Variants in SPNS3 observed in about 807,000 individuals in gnomAD.
SPNS3 encodes the protein protein spinster homolog 3.
SPNS3 carries 51 observed loss-of-function variants against 54.4 expected under a neutral mutation model. That is an observed-to-expected ratio of 0.94 (90% confidence interval 0.75 to 1.18). The LOEUF is 1.18. Ranked by LOEUF, SPNS3 falls within the 50% of genes most tolerant of loss-of-function variation. SPNS3 has a pLI of 0.00. For missense variants in SPNS3, 669 were observed against 677.4 expected, an observed-to-expected ratio of 0.99 and a Z score of 0.14; for synonymous variants, 309 against 294.7, an observed-to-expected ratio of 1.05 and a Z score of -0.50.
intron 8 of SPNS3, among the ~76,000 whole-genome samples, chr17:4,469,085 G>T (rs1290444744): frequency 2.6e-5 from 4 of 151,568 alleles, no homozygotes; most frequent in African/African-American, 9.7e-5. Flanking sequence ...ACTGCGCCCG[G>T]CCTCGGACCT....
At chr17:4,442,869 G>A (rs1970887998) in intron 2 of SPNS3, among the ~76,000 whole-genome samples, 1 of 152,026 alleles carries the variant, frequency 6.6e-6, no homozygotes, top group African/African-American at 2.4e-5. Context: ...TTTAACTCTG[G>A]GAGCATTCAT....
At chr17:4,468,423 G>A (rs1971744286) in intron 8 of SPNS3, among the ~76,000 whole-genome samples, 1 of 152,176 alleles carries the variant, frequency 6.6e-6, no homozygotes, top group Non-Finnish European at 1.5e-5. Context: ...GTGGAGAAGT[G>A]GTCAGATTCT....
In SPNS3 at chr17:4,483,607, A is replaced by G. The variant is rs1209303482; in HGVS notation, c.1180-2621A>G. 6.6e-6 allele frequency: 1 copy of G among 152,314 alleles called. No homozygotes were observed. Among genetic ancestry groups the G allele is most frequent in the Non-Finnish European group, 1.5e-5 (1 of 68,108 alleles). 9.4% of individuals were successfully genotyped at this position (152,314 alleles called of 1,614,324 possible). A position where few individuals can be genotyped will look rare whatever the true frequency, so the allele number is the denominator to read the frequency against. ...TCTGAACATTCAGGTTCCTCCCTCC[A>G]GGAAGCCTCACCTGCCTTCCCAGAG... On this transcript the variant is annotated intron_variant, in intron 9 of 11. Coordinates refer to ENST00000355530, the MANE Select transcript of SPNS3 (RefSeq NM_182538.5). This position sits in a 1 kb window ranked among gnomAD's most constrained non-coding sequence, Gnocchi z 4.2.
Position 4,448,140 on chromosome 17 carries a change from C to T in SPNS3, c.622-15C>T, listed in dbSNP as rs989500752. 5.1e-6 allele frequency: 8 copies of T among 1,566,464 alleles called. No individual in the cohort carries two copies. The highest frequency in any genetic ancestry group is 6.9e-6 in the Non-Finnish European group (8 of 1,161,494). On this transcript the variant is annotated splice_polypyrimidine_tract_variant and intron_variant, in intron 5 of 11. Transcript: ENST00000355530. Reference sequence around the variant, plus strand: ...AATATGCGGCCCTGAGCTTCCTGGGCCCTCCTGTCCCCAGGTCATGCCCTG... The same window carrying T: ...AATATGCGGCCCTGAGCTTCCTGGGTCCTCCTGTCCCCAGGTCATGCCCTG...
rs75242527 is a variant in SPNS3 at position 4,450,026 on chromosome 17, C to G, written c.923+639C>G. On this transcript the variant is annotated intron_variant, in intron 7 of 11. Transcript: ENST00000355530. ...GACATCCTTCAATCCTCCCTTCCTT[C>G]TCTCCTCCTCCTCCTGGAACCCTTC... Among the ~76,000 whole-genome samples, 777 of 151,888 alleles carry G rather than the reference C, an allele frequency of 5.1e-3. 6 individuals carry two copies. The highest frequency in any genetic ancestry group is 0.018 in the African/African-American group (731 of 41,426).
intron 8 of SPNS3, among the ~76,000 whole-genome samples, chr17:4,457,587 A>C (rs4318272): frequency 6.6e-6 from 1 of 152,192 alleles, no homozygotes; most frequent in South Asian, 2.1e-4. Flanking sequence ...GCCTGACCTC[A>C]CAGGGAGGCT....
At chr17:4,456,214 A>G (rs1971310575) in intron 8 of SPNS3, among the ~76,000 whole-genome samples, 1 of 151,912 alleles carries the variant, frequency 6.6e-6, no homozygotes. Context: ...AGCCTCCCAA[A>G]GTGCTGGGAT....
At chr17:4,450,412 C>T (rs1358630882) in intron 7 of SPNS3, among the ~76,000 whole-genome samples, 1 of 130,710 alleles carries the variant, frequency 7.7e-6, no homozygotes, top group Non-Finnish European at 1.6e-5. Context: ...TTCCTTACTT[C>T]TCTTCTTTTC....
chr17:4,446,806 T>TGG, intron 4 of SPNS3, 90 bp from the exon 5 acceptor site: 3 of 1,228,452 alleles, frequency 2.4e-6, no homozygotes, highest in Non-Finnish European at 2.4e-6. Context: ...CCCTGGGGCG[T>TGG]GGGGGGGGCA....
intron 2 of SPNS3, 77 bp from the exon 3 acceptor site, chr17:4,444,955 C>T (rs1180195009): frequency 3.3e-6 from 5 of 1,522,524 alleles, no homozygotes; most frequent in Admixed American, 4.0e-5. Context: ...AGTCAGGCTC[C>T]TTCCCTGGGC....
At chr17:4,441,981 G>GGTGTGTGTGT (rs756764670) in intron 2 of SPNS3, among the ~76,000 whole-genome samples, 1 of 89,038 alleles carries the variant, frequency 1.1e-5, no homozygotes, top group African/African-American at 4.4e-5. Context: ...CACGGAGGGA[G>GGTGTGTGTGT]AAGTGTGTGT....
At chr17:4,439,333 C>G (rs1426359802) in intron 1 of SPNS3, among the ~76,000 whole-genome samples, 1 of 152,156 alleles carries the variant, frequency 6.6e-6, no homozygotes, top group Non-Finnish European at 1.5e-5. Context: ...CCACGTTGAC[C>G]ATGGCTGGTC....
chr17:4,443,364 T>C (rs7215854), intron 2 of SPNS3, among the ~76,000 whole-genome samples: 16,193 of 152,190 alleles, frequency 0.11, 1,028 homozygotes, highest in African/African-American at 0.18. Flanking sequence ...AGCCACCGCG[T>C]CCAGCTGGGA....
chr17:4,444,555 T>G (rs1027057626), intron 2 of SPNS3, among the ~76,000 whole-genome samples: 19 of 152,114 alleles, frequency 1.2e-4, no homozygotes, highest in African/African-American at 4.3e-4. Flanking sequence ...CCTCATCTGC[T>G]GCTCAGAGTA....
chr17:4,440,611 C>G (rs1161562831), intron 2 of SPNS3, among the ~76,000 whole-genome samples: 1 of 152,106 alleles, frequency 6.6e-6, no homozygotes, highest in Admixed American at 6.6e-5. Context: ...GGTTCTCCTT[C>G]CTCTCCTTCC....
intron 8 of SPNS3, among the ~76,000 whole-genome samples, chr17:4,454,626 T>A (rs1473258968): frequency 6.9e-6 from 1 of 145,508 alleles, no homozygotes; most frequent in Non-Finnish European, 1.5e-5. Context: ...TTTTTTTTTT[T>A]TTTTTTTTGA....
At chr17:4,487,425 A>G (rs1972352431) in intron 11 of SPNS3, among the ~76,000 whole-genome samples, 1 of 152,166 alleles carries the variant, frequency 6.6e-6, no homozygotes, top group East Asian at 1.9e-4. Flanking sequence ...GGGGTGAGGG[A>G]TACGGGGCCA....
chr17:4,458,045 G>T (rs1317250941), intron 8 of SPNS3, among the ~76,000 whole-genome samples: 1 of 151,626 alleles, frequency 6.6e-6, no homozygotes, highest in Admixed American at 6.6e-5. Context: ...TGCCTCCGTA[G>T]AATGCTCGGA....
In SPNS3 at chr17:4,449,351, C is replaced by A; in HGVS notation, c.887C>A (p.Pro296His). The A allele has an allele frequency of 6.2e-7, 1 of 1,607,808 alleles. No homozygotes were observed. Among genetic ancestry groups the A allele is most frequent in the East Asian group, 2.2e-5 (1 of 44,688 alleles). Residue 296 changes from proline to histidine, a missense_variant, in exon 7 of 12, where the codon CCT becomes CAT. Physicochemically the swap from Pro to His is moderately conservative, Grantham distance 77. Coordinates refer to ENST00000355530, the MANE Select transcript of SPNS3 (RefSeq NM_182538.5). ...LEARVVHGLQPPCFQEPCSNP... is the reference protein window; with the variant it reads ...LEARVVHGLQHPCFQEPCSNP... ...GCACGCGTGGTTCACGGGCTGCAGCCTCCCTGCTTCCAGGAGCCGTGCAGC... is the reference window on the plus strand; with the variant it reads ...GCACGCGTGGTTCACGGGCTGCAGCATCCCTGCTTCCAGGAGCCGTGCAGC...
Sources: allele counts gnomAD v4.1 joint callset (sites outside exome capture counted in the v4.1 genomes callset), GRCh38; gene constraint gnomAD v4.1.1; non-coding constraint Gnocchi (gnomAD v3.1); transcripts MANE v1.5; gene names NCBI Gene and HGNC (gene_info 2026-07-23, HGNC 2026-07-21).